The following PTPRE variants were observed in gnomAD, a reference collection of about 807,000 sequenced individuals.
PTPRE encodes protein tyrosine phosphatase receptor type E, also known as receptor-type tyrosine-protein phosphatase epsilon.
A neutral mutation model predicts 102.0 loss-of-function variants in PTPRE; 51 were observed. That is an observed-to-expected ratio of 0.50 (90% CI 0.40 to 0.63). The LOEUF (loss-of-function observed/expected upper bound fraction) is 0.63. PTPRE is among the 30% of genes least tolerant of loss of function. The pLI, the probability that PTPRE is intolerant of heterozygous loss-of-function variation, is 0.00. For missense variants in PTPRE, 752 were observed against 915.1 expected, an observed-to-expected ratio of 0.82 and a Z score of 2.30; for synonymous variants, 345 against 348.2, an observed-to-expected ratio of 0.99 and a Z score of 0.10.
chr10:128,047,011 T>C (rs977365993), intron 3 of PTPRE, among the ~76,000 whole-genome samples: 1 of 152,196 alleles, frequency 6.6e-6, no homozygotes, highest in African/African-American at 2.4e-5. Context: ...AGAGCTGAGC[T>C]ACGCCGAGTC....
intron 2 of PTPRE, chr10:127,998,737 A>G (rs974492893): frequency 3.9e-5 from 6 of 152,304 alleles, no homozygotes; most frequent in African/African-American, 1.4e-4. Context: ...GCACCTTTGT[A>G]AGACCTGCAC....
intron 2 of PTPRE, among the ~76,000 whole-genome samples, chr10:128,029,483 T>TCTCCCTGACCTC (rs1424223154): frequency 1.3e-5 from 2 of 152,030 alleles, no homozygotes; most frequent in African/African-American, 4.8e-5. Context: ...CCCAGGGCCT[T>TCTCCCTGACCTC]CTCCCTGACC....
intron 1 of PTPRE, among the ~76,000 whole-genome samples, chr10:127,925,019 T>C (rs1846903231): frequency 6.6e-6 from 1 of 152,214 alleles, no homozygotes; most frequent in African/African-American, 2.4e-5. Context: ...AGCACAGTCT[T>C]CTGTTTTCTG....
intron 2 of PTPRE, among the ~76,000 whole-genome samples, chr10:128,031,871 A>G (rs1388038495): frequency 1.3e-5 from 2 of 151,960 alleles, no homozygotes; most frequent in African/African-American, 4.8e-5. Context: ...CTCAGTTCCA[A>G]CCACGCCACC....
intron 10 of PTPRE, among the ~76,000 whole-genome samples, 200 bp downstream of exon 10, chr10:128,063,380 C>A (rs1469466767): frequency 6.6e-6 from 1 of 152,240 alleles, no homozygotes; most frequent in Non-Finnish European, 1.5e-5. Context: ...TCACTGTTAT[C>A]TAATCTGTGA....
intron 2 of PTPRE, among the ~76,000 whole-genome samples, chr10:127,986,826 G>C (rs549331836): frequency 6.6e-6 from 1 of 152,348 alleles, no homozygotes; most frequent in South Asian, 2.1e-4. Flanking sequence ...GGAGCTATAT[G>C]CCCCGGGCCG....
At chr10:128,034,522 C>T (rs190757076) in intron 2 of PTPRE, among the ~76,000 whole-genome samples, 1 of 150,676 alleles carries the variant, frequency 6.6e-6, no homozygotes, top group Admixed American at 6.6e-5. Context: ...AGACCCCCCC[C>T]ATCTTTACGA....
At chr10:128,032,875 T>C (rs1846889045) in intron 2 of PTPRE, among the ~76,000 whole-genome samples, 1 of 152,244 alleles carries the variant, frequency 6.6e-6, no homozygotes, top group Non-Finnish European at 1.5e-5. Flanking sequence ...AATCTGCAAC[T>C]CTATTTAAAT....
intron 1 of PTPRE, among the ~76,000 whole-genome samples, chr10:127,916,921 C>A (rs535553720): frequency 1.3e-5 from 2 of 152,218 alleles, no homozygotes; most frequent in South Asian, 2.1e-4. Context: ...CCCCTCCCCC[C>A]ATCCTGAGGC....
chr10:128,026,029 G>T (rs1339165098), intron 2 of PTPRE, among the ~76,000 whole-genome samples: 1 of 152,292 alleles, frequency 6.6e-6, no homozygotes, highest in South Asian at 2.1e-4. Flanking sequence ...CCAGCACCCC[G>T]AGAGTCTCCC....
At chr10:127,937,858 T>C (rs1194646326) in intron 1 of PTPRE, among the ~76,000 whole-genome samples, 2 of 151,918 alleles carry the variant, frequency 1.3e-5, no homozygotes, top group Non-Finnish European at 2.9e-5. Context: ...GACTCTGTCT[T>C]AAAAAAATAA....
At chr10:128,046,487 G>A (rs1275581781) in intron 3 of PTPRE, among the ~76,000 whole-genome samples, 1 of 152,258 alleles carries the variant, frequency 6.6e-6, no homozygotes, top group African/African-American at 2.4e-5. Context: ...TTCACTCATG[G>A]CAGAGCGAGG....
chr10:127,998,093 T>A (rs2135539835), intron 2 of PTPRE: 1 of 152,296 alleles, frequency 6.6e-6, no homozygotes, highest in Non-Finnish European at 1.5e-5. Flanking sequence ...TGACAACCAG[T>A]GGAAATAATG....
chr10:127,911,545 T>C (rs1396046780), intron 1 of PTPRE, among the ~76,000 whole-genome samples: 2 of 152,118 alleles, frequency 1.3e-5, no homozygotes, highest in African/African-American at 4.8e-5. Context: ...CTAGAAACTC[T>C]CAGAACTTCA....
At chr10:128,002,165 C>T (rs1000518415) in intron 2 of PTPRE, among the ~76,000 whole-genome samples, 1 of 152,194 alleles carries the variant, frequency 6.6e-6, no homozygotes, top group African/African-American at 2.4e-5. Context: ...CAGCCAGAGC[C>T]TATGTGTCTG....
intron 1 of PTPRE, among the ~76,000 whole-genome samples, chr10:127,920,294 G>T (rs1390498876): frequency 6.6e-6 from 1 of 152,206 alleles, no homozygotes; most frequent in Non-Finnish European, 1.5e-5. Flanking sequence ...GAGTCCCACT[G>T]GGAAGGGGCA....
chr10:127,924,751 C>T lies in PTPRE; in HGVS notation c.-31+17442C>T, dbSNP rs1026034831. Among the ~76,000 whole-genome samples, 3 of 152,214 alleles carry T rather than the reference C, an allele frequency of 2.0e-5. No individual in the cohort carries two copies. In the East Asian group the frequency reaches 5.8e-4, roughly 29 times the overall value. The stretch of plus-strand genomic sequence containing the variant: ...GCTGCAGAATACAGAAAAATTGACC[C>T]ATATAACTTGGCATTTGTATCTTTT... On this transcript the variant is annotated intron_variant, in intron 1 of 20. Coordinates refer to ENST00000254667, the MANE Select transcript of PTPRE (RefSeq NM_006504.6).
In PTPRE at chr10:127,907,593, CAGG is replaced by C. The variant is rs1419301593; in HGVS notation, c.-31+291_-31+293del. Among the ~76,000 whole-genome samples, 1 of 152,050 alleles carries C rather than the reference CAGG, an allele frequency of 6.6e-6. No homozygotes were observed. The highest frequency in any genetic ancestry group is 1.5e-5 in the Non-Finnish European group (1 of 67,974). On this transcript the variant is annotated intron_variant, in intron 1 of 20. Transcript: ENST00000254667. The surrounding 1 kb of genome is among the most constrained non-coding windows in gnomAD (Gnocchi z 4.8). ...AGTGCTCACGCTCCCTCTCGGTAAA[CAGG>C]AGGAGGGCGCGCGTGTCTGCGGGTG...
At chr10:127,921,405 C>T (rs935718000) in intron 1 of PTPRE, among the ~76,000 whole-genome samples, 3 of 152,144 alleles carry the variant, frequency 2.0e-5, no homozygotes, top group African/African-American at 4.8e-5. Context: ...AGGGGCCACA[C>T]GGCTGCTGGG....
Sources: gnomAD v4.1 joint callset for allele counts (sites outside exome capture counted in the v4.1 genomes callset) on GRCh38, gnomAD v4.1.1 for gene constraint, Gnocchi (gnomAD v3.1) non-coding constraint, MANE v1.5 for transcripts, NCBI Gene and HGNC (gene_info 2026-07-23, HGNC 2026-07-21) for gene names.